RABGAP1L: variants seen among roughly 807,000 people sequenced by gnomAD.
The protein encoded by RABGAP1L is RAB GTPase activating protein 1 like.
In RABGAP1L, 63 loss-of-function variants were observed where a neutral mutation model predicts 137.7. That is an observed-to-expected ratio of 0.46 (90% CI 0.37 to 0.56). The LOEUF (loss-of-function observed/expected upper bound fraction) is 0.56, where lower values mean the gene tolerates loss of function less well. Among genes scored for constraint, RABGAP1L ranks in the 20% least tolerant of loss-of-function variants. The probability of loss-of-function intolerance (pLI) is 0.00; values close to 1 mark genes in which losing one functional copy is unlikely to be tolerated. For synonymous variants in RABGAP1L, 431 were observed against 433.7 expected, an observed-to-expected ratio of 0.99 and a Z score of 0.08; for missense variants, 1,095 against 1,244.0, an observed-to-expected ratio of 0.88 and a Z score of 1.80.
At chr1:174,686,071 C>T (rs938027111) in intron 15 of RABGAP1L, among the ~76,000 whole-genome samples, 3 of 152,036 alleles carry the variant, frequency 2.0e-5, no homozygotes, top group South Asian at 2.1e-4. Context: ...AGGGCTGATG[C>T]GGAAGTAAAA....
At chr1:174,276,202 G>A (rs1308555770) in intron 9 of RABGAP1L, among the ~76,000 whole-genome samples, 1 of 152,034 alleles carries the variant, frequency 6.6e-6, no homozygotes, top group Non-Finnish European at 1.5e-5. Context: ...GAGTATAGGG[G>A]CATTATAGCT....
intron 1 of RABGAP1L, among the ~76,000 whole-genome samples, chr1:174,216,513 A>G (rs999938803): frequency 4.0e-5 from 6 of 151,272 alleles, no homozygotes; most frequent in African/African-American, 1.2e-4. Flanking sequence ...AAGTAGTGCC[A>G]TTACCTTGTA....
chr1:174,383,625 G>T (rs1017561270), intron 12 of RABGAP1L, among the ~76,000 whole-genome samples: 3 of 152,202 alleles, frequency 2.0e-5, no homozygotes, highest in South Asian at 2.1e-4. Flanking sequence ...CCCAAGTGAG[G>T]CAATGCCTCG....
At chr1:174,985,373 A>G (rs1322895079) in intron 24 of RABGAP1L, among the ~76,000 whole-genome samples, 1 of 152,224 alleles carries the variant, frequency 6.6e-6, no homozygotes, top group Non-Finnish European at 1.5e-5. Flanking sequence ...AGCCTGGGTG[A>G]CAGTAAGAGC....
chr1:174,546,788 T>C (rs1666043243), intron 13 of RABGAP1L, among the ~76,000 whole-genome samples: 1 of 152,100 alleles, frequency 6.6e-6, no homozygotes, highest in Admixed American at 6.5e-5. Flanking sequence ...CCCAGCACTT[T>C]GGGAGGCCAA....
intron 22 of RABGAP1L, among the ~76,000 whole-genome samples, chr1:174,978,194 A>G (rs1670811686): frequency 6.6e-6 from 1 of 152,214 alleles, no homozygotes; most frequent in South Asian, 2.1e-4. Context: ...GGTTATAACT[A>G]TAGCATTCAT....
intron 19 of RABGAP1L, among the ~76,000 whole-genome samples, chr1:174,861,578 A>G (rs1267210806): frequency 6.6e-6 from 1 of 152,154 alleles, no homozygotes; most frequent in Non-Finnish European, 1.5e-5. Context: ...CCAAAAGTGT[A>G]TAAAAGTTCT....
intron 11 of RABGAP1L, among the ~76,000 whole-genome samples, chr1:174,364,582 G>T (rs1232152776): frequency 6.6e-6 from 1 of 152,058 alleles, no homozygotes; most frequent in African/African-American, 2.4e-5. Flanking sequence ...AATGTTGGTA[G>T]GTTGTATATG....
At chr1:174,372,897 G>A (rs190245470) in intron 12 of RABGAP1L, among the ~76,000 whole-genome samples, 26 of 152,304 alleles carry the variant, frequency 1.7e-4, no homozygotes, top group Admixed American at 9.1e-4. Context: ...TATGTTGAGA[G>A]TTGTAAACTA....
chr1:174,827,449 T>G (rs901315013), intron 19 of RABGAP1L, among the ~76,000 whole-genome samples: 4 of 120,904 alleles, frequency 3.3e-5, no homozygotes, highest in African/African-American at 8.6e-5. Context: ...GATTTCAACA[T>G]ATTAATTGGG....
intron 13 of RABGAP1L, among the ~76,000 whole-genome samples, chr1:174,476,059 G>A (rs546001039): frequency 5.8e-4 from 88 of 152,130 alleles, no homozygotes; most frequent in Non-Finnish European, 9.3e-4. Context: ...AAAGGTTAGC[G>A]GAGTGACCTT....
chr1:174,432,204 A>T (rs964299497), intron 13 of RABGAP1L, among the ~76,000 whole-genome samples: 3 of 152,136 alleles, frequency 2.0e-5, no homozygotes, highest in Admixed American at 1.3e-4. Flanking sequence ...AAGTGAGAAC[A>T]TGGGTTTTTG....
chr1:174,946,309 T>C (rs1666754522), intron 19 of RABGAP1L, among the ~76,000 whole-genome samples: 1 of 152,152 alleles, frequency 6.6e-6, no homozygotes, highest in African/African-American at 2.4e-5. Flanking sequence ...TCATGTAACA[T>C]AGTGTATGAC....
At chr1:174,256,931 C>G (rs1298773975) in intron 7 of RABGAP1L, among the ~76,000 whole-genome samples, 1 of 152,080 alleles carries the variant, frequency 6.6e-6, no homozygotes, top group Non-Finnish European at 1.5e-5. Context: ...CAACTCTTGC[C>G]TTCTCTCTAC....
At chr1:174,503,612 G>A (rs1465043890) in intron 13 of RABGAP1L, among the ~76,000 whole-genome samples, 3 of 132,756 alleles carry the variant, frequency 2.3e-5, no homozygotes, top group Non-Finnish European at 4.7e-5. Flanking sequence ...TCTGAGCCGA[G>A]ATTGCACCAC....
chr1:174,246,522 G>A (rs187712543), intron 5 of RABGAP1L, among the ~76,000 whole-genome samples: 2 of 152,254 alleles, frequency 1.3e-5, no homozygotes, highest in African/African-American at 4.8e-5. Context: ...TGATAAAAAT[G>A]TATGGTTTCA....
intron 1 of RABGAP1L, among the ~76,000 whole-genome samples, chr1:174,172,437 G>T (rs932880763): frequency 1.3e-5 from 2 of 152,058 alleles, no homozygotes; most frequent in African/African-American, 4.8e-5. Flanking sequence ...ACCATTTTCC[G>T]TAATGTCTGT....
At chr1:174,640,992 GATT>G (rs1028340569) in intron 14 of RABGAP1L, among the ~76,000 whole-genome samples, 2 of 145,784 alleles carry the variant, frequency 1.4e-5, no homozygotes, top group Admixed American at 6.9e-5. Flanking sequence ...TATAATTTTA[GATT>G]ATATTAATTA....
At chr1:174,881,554 C>T (rs1419533642) in intron 19 of RABGAP1L, among the ~76,000 whole-genome samples, 1 of 124,636 alleles carries the variant, frequency 8.0e-6, no homozygotes, top group Non-Finnish European at 1.6e-5. Flanking sequence ...GGCTGGAGTA[C>T]AGTGGCACGA....
Sources: gnomAD v4.1 joint callset for allele counts (sites outside exome capture counted in the v4.1 genomes callset) on GRCh38, gnomAD v4.1.1 for gene constraint, MANE v1.5 for transcripts, NCBI Gene and HGNC (gene_info 2026-07-23, HGNC 2026-07-21) for gene names.